Variants in PIGX observed in about 807,000 individuals in gnomAD.
The protein encoded by PIGX is GPI alpha-1,4-mannosyltransferase I, stabilizing subunit.
A neutral mutation model predicts 28.7 loss-of-function variants in PIGX; 24 were observed. That is an observed-to-expected ratio of 0.84 (90% CI 0.60 to 1.17). The LOEUF is 1.17. Ranked by LOEUF, PIGX falls within the 50% of genes most tolerant of loss-of-function variation. The pLI is 0.00. For missense variants in PIGX, 305 were observed against 317.8 expected, an observed-to-expected ratio of 0.96 and a Z score of 0.31; for synonymous variants, 127 against 121.0, an observed-to-expected ratio of 1.05 and a Z score of -0.33.
At chr3:196,714,220 T>C (rs915796795) in intron 1 of PIGX, among the ~76,000 whole-genome samples, 34 of 152,278 alleles carry the variant, frequency 2.2e-4, no homozygotes, top group Admixed American at 1.1e-3. Flanking sequence ...TTCTAACACA[T>C]TGGGAGGCTG....
intron 4 of PIGX, among the ~76,000 whole-genome samples, chr3:196,729,674 A>G (rs1389738620): frequency 6.7e-6 from 1 of 149,864 alleles, no homozygotes; most frequent in East Asian, 2.1e-4. Flanking sequence ...GGCGTGAGCC[A>G]CAGCACCTGG....
At chr3:196,723,965 A>G (rs1405265154) in intron 3 of PIGX, among the ~76,000 whole-genome samples, 1 of 150,440 alleles carries the variant, frequency 6.6e-6, no homozygotes, top group Non-Finnish European at 1.5e-5. Flanking sequence ...TTGTGTATGT[A>G]TGACAGTTTA....
chr3:196,725,873 A>G lies in PIGX; in HGVS notation c.319-2050A>G, dbSNP rs998202510. Among the ~76,000 whole-genome samples, 3 of 152,180 alleles carry G rather than the reference A, an allele frequency of 2.0e-5. 1 individual carries two copies. Among genetic ancestry groups the G allele is most frequent in the Non-Finnish European group, 4.4e-5 (3 of 68,040 alleles). On this transcript the variant is annotated intron_variant, in intron 3 of 5. Coordinates refer to ENST00000392391, the MANE Select transcript of PIGX (RefSeq NM_017861.4). ...AACATTGCTTTAGTCCTGCATAACA[A>G]ATCTTAAAAACAAAACCTTAAAAAA...
At chr3:196,729,970 T>C (rs542472460) in intron 4 of PIGX, among the ~76,000 whole-genome samples, 2 of 150,942 alleles carry the variant, frequency 1.3e-5, no homozygotes, top group South Asian at 4.2e-4. Flanking sequence ...CTTGGGAGGC[T>C]GAGGCACGGG....
chr3:196,732,294 T>G (rs1712840716), intron 5 of PIGX, among the ~76,000 whole-genome samples: 2 of 112,822 alleles, frequency 1.8e-5, no homozygotes, highest in Admixed American at 9.8e-5. Context: ...TTTTATTTTT[T>G]TTTTTGAGAC....
Position 196,712,392 on chromosome 3 carries a change from GCGCTAGGCGC to G in PIGX, c.-140_-131del, listed in dbSNP as rs1162357522. 1 of 326,090 alleles carries G rather than the reference GCGCTAGGCGC, an allele frequency of 3.1e-6. No homozygotes were observed. The highest frequency in any genetic ancestry group is 5.1e-6 in the Non-Finnish European group (1 of 197,044). 20.2% of individuals were successfully genotyped at this position (326,090 alleles called of 1,614,324 possible). On this transcript the variant is annotated 5_prime_UTR_variant, in exon 1 of 6. Transcript: ENST00000392391. ...GGCTGCAGGCAGCTGGGAACCGCGG[GCGCTAGGCGC>G]GCGCACCCAGCACTCGGTCCCAGCC... is the stretch of plus-strand genomic sequence containing the variant.
intron 2 of PIGX, 32 bp downstream of exon 2, chr3:196,716,953 A>C: frequency 7.6e-7 from 1 of 1,317,318 alleles, no homozygotes; most frequent in Non-Finnish European, 1.1e-6. Flanking sequence ...ATTTCTATTA[A>C]AATAATGTGT....
At position 196,734,266 on chromosome 3, in the gene PIGX, A is replaced by G. The variant is rs1712926416; in HGVS notation, c.*364A>G. ...TCAATTTAAGCTACAAATTGAGAAAACCGTTATAAATAAGAATAAAATAGG... is the reference window on the plus strand; with the variant it reads ...TCAATTTAAGCTACAAATTGAGAAAGCCGTTATAAATAAGAATAAAATAGG... On this transcript the variant is annotated 3_prime_UTR_variant, in exon 6 of 6. Transcript: ENST00000392391. 5.6e-6 allele frequency: 1 copy of G among 179,784 alleles called. No individual in the cohort carries two copies. The highest frequency in any genetic ancestry group is 1.2e-5 in the Non-Finnish European group (1 of 85,554). 11.1% of individuals were successfully genotyped at this position (179,784 alleles called of 1,614,324 possible).
chr3:196,735,391 A>G lies in PIGX; in HGVS notation c.*1489A>G, dbSNP rs532993384. The G allele has an allele frequency of 4.7e-5, 7 of 149,518 alleles. No individual in the cohort carries two copies. In the East Asian group the frequency reaches 1.4e-3, roughly 30 times the overall value. 9.3% of individuals were successfully genotyped at this position (149,518 alleles called of 1,614,324 possible). On this transcript the variant is annotated 3_prime_UTR_variant, in exon 6 of 6. Coordinates refer to ENST00000392391, the MANE Select transcript of PIGX (RefSeq NM_017861.4). ...CATCAAACCAGGGTGTGTTGGCATT[A>G]TTTATTTTATGTAGAGTATTGAGAT...
At chr3:196,712,982 G>T in intron 1 of PIGX, 2 of 997,000 alleles carry the variant, frequency 2.0e-6, no homozygotes, top group Non-Finnish European at 2.4e-6. Flanking sequence ...GGCCAGGCAA[G>T]GCCTTAGCGC....
chr3:196,719,221 T>G (rs1283705748), intron 2 of PIGX, among the ~76,000 whole-genome samples: 2 of 152,174 alleles, frequency 1.3e-5, no homozygotes, highest in Non-Finnish European at 2.9e-5. Context: ...ATGGTTGGTC[T>G]GGTTTAAATC....
intron 2 of PIGX, 74 bp downstream of exon 2, chr3:196,716,995 A>C: frequency 1.1e-6 from 1 of 895,592 alleles, no homozygotes. Context: ...TTGATGGTTG[A>C]AATTTGTATA....
At chr3:196,730,617 A>G (rs764729816) in intron 4 of PIGX, among the ~76,000 whole-genome samples, 1 of 151,848 alleles carries the variant, frequency 6.6e-6, no homozygotes, top group African/African-American at 2.4e-5. Context: ...GTGCAATGGC[A>G]GGCACCTGTA....
intron 3 of PIGX, among the ~76,000 whole-genome samples, chr3:196,723,115 G>A (rs1199160174): frequency 6.6e-6 from 1 of 152,168 alleles, no homozygotes. Flanking sequence ...GCCAAGGCAG[G>A]CAGATTGCCT....
chr3:196,735,294 CAAAAAAAAAAAAAAAA>C lies in PIGX; in HGVS notation c.*1407_*1422del, dbSNP rs60317348. On this transcript the variant is annotated 3_prime_UTR_variant, in exon 6 of 6. Coordinates refer to ENST00000392391, the MANE Select transcript of PIGX (RefSeq NM_017861.4). ...TGGGCGACAGAGTGAGACTCTGTCT[CAAAAAAAAAAAAAAAA>C]AAAAAAAAAAAAAAGTAAATAAAAC... The C allele has an allele frequency of 4.4e-5, 2 of 45,234 alleles. No individual in the cohort carries two copies. Among genetic ancestry groups the C allele is most frequent in the South Asian group, 1.5e-3 (1 of 654 alleles). The allele number at this position is 45,234 out of a possible 1,614,324, so 2.8% of individuals were successfully genotyped here.
intron 2 of PIGX, chr3:196,721,261 C>G (rs941274602): frequency 1.5e-5 from 5 of 325,090 alleles, no homozygotes; most frequent in Non-Finnish European, 3.0e-5. Flanking sequence ...GGTCTTTTTT[C>G]CTCTCTGTGC....
intron 2 of PIGX, among the ~76,000 whole-genome samples, chr3:196,718,418 G>A (rs1218544554): frequency 6.6e-6 from 1 of 152,142 alleles, no homozygotes; most frequent in Non-Finnish European, 1.5e-5. Flanking sequence ...TTAATCTTAA[G>A]TTTCTAGTTT....
intron 5 of PIGX, among the ~76,000 whole-genome samples, chr3:196,732,378 T>C (rs1242608923): frequency 1.4e-5 from 2 of 147,758 alleles, no homozygotes; most frequent in Admixed American, 6.8e-5. Flanking sequence ...GCCTCCCGGG[T>C]TCAAGTCATT....
At chr3:196,727,405 CTGTT>C (rs770632998) in intron 3 of PIGX, among the ~76,000 whole-genome samples, 15 of 152,130 alleles carry the variant, frequency 9.9e-5, no homozygotes, top group Non-Finnish European at 1.9e-4. Flanking sequence ...TTTCCATTAA[CTGTT>C]TATACCGTCT....
Sources: gnomAD v4.1 joint callset for allele counts (sites outside exome capture counted in the v4.1 genomes callset) on GRCh38, gnomAD v4.1.1 for gene constraint, MANE v1.5 for transcripts, NCBI Gene and HGNC (gene_info 2026-07-23, HGNC 2026-07-21) for gene names.